LINGO2: variants seen among roughly 807,000 people sequenced by gnomAD.
LINGO2 encodes the protein leucine rich repeat and Ig domain containing 2, also known as leucine-rich repeat and immunoglobulin-like domain-containing nogo receptor-interacting protein 2.
LINGO2 carries 14 observed loss-of-function variants against 30.6 expected under a neutral mutation model. The observed-to-expected ratio is 0.46, with a 90% CI of 0.30 to 0.72. The LOEUF is 0.72. Ranked by LOEUF, LINGO2 falls within the 30% of genes least tolerant of loss-of-function variation. The pLI is 0.07. For synonymous variants in LINGO2, 317 were observed against 288.5 expected, an observed-to-expected ratio of 1.10 and a Z score of -1.00; for missense variants, 729 against 751.7, an observed-to-expected ratio of 0.97 and a Z score of 0.35.
At chr9:28,701,457 T>C in the LINGO2 span, among the ~76,000 whole-genome samples, 1 of 151,982 alleles carries the variant, frequency 6.6e-6, no homozygotes, top group Non-Finnish European at 1.5e-5. Context: ...AAAAGATCAG[T>C]TGACTATATT....
intron 4 of LINGO2, among the ~76,000 whole-genome samples, chr9:28,076,930 T>C (rs1382640554): frequency 1.3e-5 from 2 of 152,140 alleles, no homozygotes; most frequent in Admixed American, 6.5e-5. Flanking sequence ...TATTATTTCA[T>C]TGTTTGTTCT....
chr9:27,991,550 A>G (rs189631331), intron 5 of LINGO2, among the ~76,000 whole-genome samples: 56 of 152,172 alleles, frequency 3.7e-4, no homozygotes, highest in African/African-American at 1.3e-3. Context: ...TTATTTTTAG[A>G]ACACTGGAGG....
chr9:28,789,892 A>G, the LINGO2 span, among the ~76,000 whole-genome samples: 2 of 152,140 alleles, frequency 1.3e-5, no homozygotes, highest in Non-Finnish European at 2.9e-5. Context: ...GTAGGTTTCT[A>G]TCTCTCTTAA....
chr9:28,547,930 G>C (rs1822037201), intron 1 of LINGO2, among the ~76,000 whole-genome samples: 1 of 152,122 alleles, frequency 6.6e-6, no homozygotes, highest in Non-Finnish European at 1.5e-5. Flanking sequence ...GTCAATATTA[G>C]TATTTTATGG....
At chr9:28,481,533 T>C (rs13296668) in intron 1 of LINGO2, among the ~76,000 whole-genome samples, 2 of 152,086 alleles carry the variant, frequency 1.3e-5, no homozygotes, top group African/African-American at 4.8e-5. Flanking sequence ...CACCTTCCAA[T>C]ATCTAGATCA....
At chr9:27,946,619 T>A (rs191892102), downstream of LINGO2, among the ~76,000 whole-genome samples, 205 of 152,282 alleles carry the variant, frequency 1.3e-3, no homozygotes, top group Non-Finnish European at 2.5e-3. Flanking sequence ...TTTTGGAAGT[T>A]TTTTTGAAAT....
intron 1 of LINGO2, among the ~76,000 whole-genome samples, chr9:28,567,466 T>C (rs1383207524): frequency 6.6e-6 from 1 of 152,034 alleles, no homozygotes; most frequent in African/African-American, 2.4e-5. Context: ...TATGCAGCCA[T>C]AGAAAAAAAC....
intron 1 of LINGO2, among the ~76,000 whole-genome samples, chr9:28,617,707 A>T (rs1308032078): frequency 1.3e-5 from 2 of 152,058 alleles, no homozygotes; most frequent in Admixed American, 1.3e-4. Flanking sequence ...GGACAAATTC[A>T]TCCCTGTTTT....
the LINGO2 span, among the ~76,000 whole-genome samples, chr9:28,736,965 G>A: frequency 6.6e-6 from 1 of 152,046 alleles, no homozygotes; most frequent in African/African-American, 2.4e-5. Flanking sequence ...ATTCCCCAAG[G>A]GGATCATGCC....
At chr9:27,949,127 A>T in exon 6 of LINGO2, 1 of 1,614,170 alleles carries the variant, frequency 6.2e-7, no homozygotes, top group Non-Finnish European at 8.5e-7. Flanking sequence ...TCATGTACAT[A>T]GGGGTCCTGT....
the LINGO2 span, among the ~76,000 whole-genome samples, chr9:29,211,798 C>G: frequency 6.6e-6 from 1 of 152,160 alleles, no homozygotes; most frequent in African/African-American, 2.4e-5. Context: ...GCGGGCACAG[C>G]AGGTCCCCTA....
chr9:28,883,652 A>ATATATATATG, the LINGO2 span, among the ~76,000 whole-genome samples: 6 of 130,294 alleles, frequency 4.6e-5, no homozygotes, highest in Non-Finnish European at 9.9e-5. Context: ...ATATATATAT[A>ATATATATATG]TATATATATA....
chr9:28,729,751 A>G, the LINGO2 span, among the ~76,000 whole-genome samples: 1 of 152,078 alleles, frequency 6.6e-6, no homozygotes, highest in Non-Finnish European at 1.5e-5. Flanking sequence ...CAATATTCCT[A>G]AAGAAATTCC....
intron 1 of LINGO2, among the ~76,000 whole-genome samples, chr9:28,619,352 A>G (rs10968678): frequency 0.095 from 14,518 of 152,182 alleles, 887 homozygotes; most frequent in East Asian, 0.19. Context: ...AAAACAAAGA[A>G]GCAGTTTGGG....
chr9:27,960,923 CTTAT>C (rs1242008883), intron 5 of LINGO2, among the ~76,000 whole-genome samples: 5 of 151,880 alleles, frequency 3.3e-5, no homozygotes, highest in African/African-American at 1.2e-4. Flanking sequence ...TGTTTTATTA[CTTAT>C]TTTTATTTAT....
intron 1 of LINGO2, among the ~76,000 whole-genome samples, chr9:28,564,791 A>G (rs1345894809): frequency 1.3e-5 from 2 of 152,138 alleles, no homozygotes; most frequent in African/African-American, 4.8e-5. Flanking sequence ...AGATAAAATT[A>G]AAAATTCAGT....
At chr9:29,198,841 C>A in the LINGO2 span, among the ~76,000 whole-genome samples, 1 of 152,052 alleles carries the variant, frequency 6.6e-6, no homozygotes, top group African/African-American at 2.4e-5. Flanking sequence ...GGATGAATTT[C>A]CAGATTTCCA....
chr9:28,832,846 G>A, the LINGO2 span, among the ~76,000 whole-genome samples: 1 of 151,990 alleles, frequency 6.6e-6, no homozygotes, highest in Non-Finnish European at 1.5e-5. Flanking sequence ...ATGCACAAAG[G>A]AATTATATTT....
chr9:29,092,211 A>G, the LINGO2 span, among the ~76,000 whole-genome samples: 1 of 151,994 alleles, frequency 6.6e-6, no homozygotes, highest in African/African-American at 2.4e-5. Flanking sequence ...ACTGAGCAAT[A>G]TATCAAAAGC....
Sources: allele counts gnomAD v4.1 joint callset (sites outside exome capture counted in the v4.1 genomes callset), GRCh38; gene constraint gnomAD v4.1.1; transcripts MANE v1.5; gene names NCBI Gene and HGNC (gene_info 2026-07-23, HGNC 2026-07-21).